ALKBH3: variants seen among roughly 807,000 people sequenced by gnomAD.
ALKBH3 encodes the protein alpha-ketoglutarate-dependent dioxygenase alkB homolog 3.
ALKBH3 carries 51 observed loss-of-function variants against 43.9 expected under a neutral mutation model. That is an observed-to-expected ratio of 1.16 (90% CI 0.93 to 1.47). The LOEUF is 1.47. ALKBH3 is among the 40% of genes most tolerant of loss of function. ALKBH3 has a pLI of 0.00. For synonymous variants in ALKBH3, 102 were observed against 115.2 expected (o/e 0.89, Z 0.73); for missense variants, 361 against 351.9 (o/e 1.03, Z -0.21).
chr11:43,912,665 G>A (rs1951949005), intron 8 of ALKBH3, among the ~76,000 whole-genome samples: 1 of 152,204 alleles, frequency 6.6e-6, no homozygotes, highest in African/African-American at 2.4e-5. Context: ...TAATTTGGAA[G>A]CATATTTTGC....
chr11:43,897,797 T>C (rs1157734043), intron 7 of ALKBH3: 2 of 829,558 alleles, frequency 2.4e-6, no homozygotes, highest in African/African-American at 1.7e-5. Flanking sequence ...AAAATGAAGA[T>C]TGGACCCGTT....
At position 43,901,626 on chromosome 11, in the gene ALKBH3, GCA is replaced by G; in HGVS notation, c.573_574del (p.His191GlnfsTer2). ...GCAATGAGAAGGACAGCGTGGACTG[GCA>G]CAGTGATGATGAACCCTCACTAGGG... is the stretch of plus-strand genomic sequence containing the variant. ...YRNEKDSVDW[H>X]SDDEPSLGRC... On this transcript the variant is annotated frameshift_variant, in exon 8 of 10. Transcript: ENST00000302708. LOFTEE classifies it high-confidence loss of function. The G allele has an allele frequency of 1.2e-6, 2 of 1,614,240 alleles. No homozygotes were observed. Among genetic ancestry groups the G allele is most frequent in the Non-Finnish European group, 1.7e-6 (2 of 1,180,046 alleles).
At chr11:43,902,877 A>C (rs1268224119) in intron 8 of ALKBH3, among the ~76,000 whole-genome samples, 1 of 152,176 alleles carries the variant, frequency 6.6e-6, no homozygotes, top group Non-Finnish European at 1.5e-5. Context: ...GATTACAGGC[A>C]TGAGCCACTG....
intron 7 of ALKBH3, chr11:43,898,602 A>C (rs748050230): frequency 2.7e-6 from 2 of 747,606 alleles, no homozygotes; most frequent in Non-Finnish European, 5.0e-6. Context: ...CTATCAGCTC[A>C]TGGACCTGCC....
At chr11:43,895,903 A>C (rs1951815233) in intron 7 of ALKBH3, among the ~76,000 whole-genome samples, 2 of 152,220 alleles carry the variant, frequency 1.3e-5, no homozygotes, top group Non-Finnish European at 2.9e-5. Context: ...TCATTTTATT[A>C]AATCTTGGTC....
intron 6 of ALKBH3, among the ~76,000 whole-genome samples, chr11:43,890,189 T>A (rs1481307639): frequency 6.6e-6 from 1 of 152,218 alleles, no homozygotes; most frequent in Non-Finnish European, 1.5e-5. Context: ...ATTACAGAGC[T>A]TTCTTTTTTT....
intron 4 of ALKBH3, among the ~76,000 whole-genome samples, chr11:43,885,949 A>G (rs16937676): frequency 0.025 from 3,867 of 152,244 alleles, 90 homozygotes; most frequent in African/African-American, 0.062. Flanking sequence ...AGAGTTTTCC[A>G]CTGGACCAAA....
intron 1 of ALKBH3, among the ~76,000 whole-genome samples, chr11:43,882,368 C>G (rs1462478525): frequency 6.6e-6 from 1 of 152,114 alleles, no homozygotes; most frequent in Non-Finnish European, 1.5e-5. Flanking sequence ...GTGAAAGAAA[C>G]AAAAGTACTA....
chr11:43,910,445 G>A (rs1467855428), intron 8 of ALKBH3: 1 of 152,210 alleles, frequency 6.6e-6, no homozygotes. Flanking sequence ...TTCATCTGAA[G>A]TTCCAGTCAT....
intron 7 of ALKBH3, chr11:43,898,151 C>G (rs559029075): frequency 2.0e-4 from 247 of 1,212,778 alleles, no homozygotes; most frequent in Non-Finnish European, 2.9e-4. Context: ...AAACTAGATG[C>G]TGACTACATC....
intron 8 of ALKBH3, 172 bp from the exon 9 acceptor site, chr11:43,918,864 CAG>C: frequency 1.7e-6 from 1 of 589,316 alleles, no homozygotes. Flanking sequence ...AGTCAGGGTA[CAG>C]AGAGATGAGG....
chr11:43,917,117 G>A lies in ALKBH3; in HGVS notation c.670-1921G>A, dbSNP rs34698812. On this transcript the variant is annotated intron_variant, in intron 8 of 9. Transcript: ENST00000302708. ...GGTATGGCTAATGGTTATGTTGAAT[G>A]TAATGTGTTCAAAACCAACCTGAGA... Among the ~76,000 whole-genome samples, 1,355 of 152,314 alleles carry A rather than the reference G, an allele frequency of 8.9e-3. 13 individuals carry two copies. The highest frequency in any genetic ancestry group is 0.03 in the African/African-American group (1,255 of 41,554).
chr11:43,907,441 G>C (rs1951903677), intron 8 of ALKBH3, among the ~76,000 whole-genome samples: 2 of 152,164 alleles, frequency 1.3e-5, no homozygotes, highest in Non-Finnish European at 2.9e-5. Context: ...TTTAGTTTCA[G>C]TAGGACAAAC....
At position 43,880,877 on chromosome 11, in the gene ALKBH3, G is replaced by C. The variant is rs1024724689; in HGVS notation, c.-373G>C. 1 of 152,226 alleles carries C rather than the reference G, an allele frequency of 6.6e-6. No individual in the cohort carries two copies. Among genetic ancestry groups the C allele is most frequent in the Non-Finnish European group, 1.5e-5 (1 of 68,100 alleles). 9.4% of individuals were successfully genotyped at this position (152,226 alleles called of 1,614,324 possible). On this transcript the variant is annotated 5_prime_UTR_variant, in exon 1 of 10. Transcript: ENST00000302708. ...GACTGCGGAGTGGGTCAGGGGCTGC[G>C]AGGGCTGCCCCAAGTCCTACCGGGT...
intron 7 of ALKBH3, among the ~76,000 whole-genome samples, chr11:43,895,372 T>G (rs1230437432): frequency 6.6e-6 from 1 of 152,238 alleles, no homozygotes; most frequent in Non-Finnish European, 1.5e-5. Context: ...GATGGTTTTA[T>G]AAATGGGAGT....
chr11:43,895,604 A>G (rs1017685495), intron 7 of ALKBH3, among the ~76,000 whole-genome samples: 5 of 152,252 alleles, frequency 3.3e-5, no homozygotes, highest in African/African-American at 1.2e-4. Context: ...AACAGTTCTT[A>G]GAGTATAATC....
rs184423144 is a variant in ALKBH3 at position 43,881,320 on chromosome 11, G to A, written c.-71+141G>A. On this transcript the variant is annotated intron_variant, in intron 1 of 9. Coordinates refer to ENST00000302708, the MANE Select transcript of ALKBH3 (RefSeq NM_139178.4). The stretch of plus-strand genomic sequence containing the variant: ...TGCATTAAGAATTCCTGGGTTGAGG[G>A]TGGCGTTAGTTAACAAATTCTGGGA... 5 of 152,390 alleles carry A rather than the reference G, an allele frequency of 3.3e-5. No individual in the cohort carries two copies. In the East Asian group the frequency reaches 9.6e-4, roughly 29 times the overall value. 9.4% of individuals were successfully genotyped at this position (152,390 alleles called of 1,614,324 possible).
intron 7 of ALKBH3, chr11:43,898,120 G>A (rs1044491586): frequency 2.4e-5 from 27 of 1,131,458 alleles, no homozygotes; most frequent in African/African-American, 4.5e-5. Flanking sequence ...ACCTGAGCCC[G>A]TGGTGGGCAT....
chr11:43,883,699 CA>C (rs1173605863), intron 3 of ALKBH3, among the ~76,000 whole-genome samples: 1 of 152,154 alleles, frequency 6.6e-6, no homozygotes, highest in Non-Finnish European at 1.5e-5. Context: ...TATTTTATAG[CA>C]TATTTTCTAT....
Sources: allele counts gnomAD v4.1 joint callset (sites outside exome capture counted in the v4.1 genomes callset), GRCh38; gene constraint gnomAD v4.1.1; transcripts MANE v1.5; gene names NCBI Gene and HGNC (gene_info 2026-07-23, HGNC 2026-07-21).